ZNF654: variants seen among roughly 807,000 people sequenced by gnomAD.
ZNF654 encodes the protein zinc finger protein 654, also known as melanoma-associated antigen.
In ZNF654, 19 loss-of-function variants were observed where a neutral mutation model predicts 95.3. The ratio of observed to expected loss-of-function variants is 0.20; its 90% CI spans 0.14 to 0.29. The LOEUF is 0.29. Among genes scored for constraint, ZNF654 ranks in the 10% least tolerant of loss-of-function variants. The pLI is 1.00. For synonymous variants in ZNF654, 413 were observed against 457.9 expected (o/e 0.90, Z 1.25); for missense variants, 1,046 against 1,341.0 (o/e 0.78, Z 3.44).
At chr3:88,092,919 G>C (rs1703831882) in intron 2 of ZNF654, among the ~76,000 whole-genome samples, 1 of 152,124 alleles carries the variant, frequency 6.6e-6, no homozygotes. Flanking sequence ...GTTGTCTACA[G>C]GGAAGGAAAG....
chr3:88,095,823 C>A, intron 2 of ZNF654: 2 of 452,642 alleles, frequency 4.4e-6, no homozygotes, highest in South Asian at 3.4e-5. Flanking sequence ...CTCAGATTCC[C>A]AAGTATTGTG....
At chr3:88,110,731 T>A (rs1457954617) in intron 2 of ZNF654, among the ~76,000 whole-genome samples, 2 of 152,116 alleles carry the variant, frequency 1.3e-5, no homozygotes, top group African/African-American at 4.8e-5. Flanking sequence ...AGTTGACTAT[T>A]TATACAGTCA....
Position 88,118,426 on chromosome 3 carries a change from G to GC in ZNF654, c.414+5233dup, listed in dbSNP as rs199747411. On this transcript the variant is annotated intron_variant, in intron 3 of 8. Coordinates refer to ENST00000636215, the MANE Select transcript of ZNF654 (RefSeq NM_001350134.2). The stretch of plus-strand genomic sequence containing the variant: ...CCAGCCACATGAAAGGAGTTGAAAA[G>GC]CCCACCCTCCTTTGTGGGGCAAGTG... 1.7e-3 allele frequency among the ~76,000 whole-genome samples: 254 copies of GC among 152,252 alleles called. 4 individuals are homozygous for GC. The East Asian group carries it at 0.042, about 25-fold the overall frequency.
intron 1 of ZNF654, among the ~76,000 whole-genome samples, chr3:88,077,436 C>T: frequency 6.6e-6 from 1 of 151,904 alleles, no homozygotes; most frequent in East Asian, 1.9e-4. Context: ...GGGTTCACTC[C>T]ACTCTCCTGC....
intron 1 of ZNF654, among the ~76,000 whole-genome samples, chr3:88,072,029 A>G (rs1157295980): frequency 6.6e-6 from 1 of 152,200 alleles, no homozygotes; most frequent in Non-Finnish European, 1.5e-5. Context: ...TATCTTAGGC[A>G]TAAATCTACA....
At chr3:88,074,693 CT>C (rs1180680295) in intron 1 of ZNF654, among the ~76,000 whole-genome samples, 1 of 152,160 alleles carries the variant, frequency 6.6e-6, no homozygotes, top group Non-Finnish European at 1.5e-5. Flanking sequence ...ACGTTTATTA[CT>C]GCACCCAACC....
intron 2 of ZNF654, among the ~76,000 whole-genome samples, chr3:88,093,714 A>T (rs1703882481): frequency 6.6e-6 from 1 of 152,254 alleles, no homozygotes; most frequent in African/African-American, 2.4e-5. Context: ...TACAGCATTT[A>T]TGCCTAGCCT....
intron 1 of ZNF654, among the ~76,000 whole-genome samples, chr3:88,069,373 G>T (rs1707377864): frequency 1.3e-5 from 2 of 152,142 alleles, no homozygotes. Flanking sequence ...AGTGAGTCTA[G>T]ATGGCGCCGC....
chr3:88,099,505 G>T (rs1186178581), intron 2 of ZNF654, among the ~76,000 whole-genome samples: 2 of 152,044 alleles, frequency 1.3e-5, no homozygotes, highest in African/African-American at 4.8e-5. Flanking sequence ...CCAAAAAAGA[G>T]CCCGCATTGC....
At chr3:88,093,514 C>G (rs1246934865) in intron 2 of ZNF654, among the ~76,000 whole-genome samples, 1 of 152,068 alleles carries the variant, frequency 6.6e-6, no homozygotes, top group Non-Finnish European at 1.5e-5. Flanking sequence ...GGTGTGTGCA[C>G]TGGCAAAGAC....
In ZNF654 at chr3:88,116,363, A is replaced by G. The variant is rs1414048616; in HGVS notation, c.414+3167A>G. Among the ~76,000 whole-genome samples, 4 of 152,148 alleles carry G rather than the reference A, an allele frequency of 2.6e-5. No homozygotes were observed. In the East Asian group the frequency reaches 5.8e-4, roughly 22 times the overall value. ...TGGAGAAAACTCGTCCCTACTAAAA[A>G]TACAAAATTAGCAGGTCGTGGCGGC... On this transcript the variant is annotated intron_variant, in intron 3 of 8. Coordinates refer to ENST00000636215, the MANE Select transcript of ZNF654 (RefSeq NM_001350134.2).
chr3:88,059,558 G>A, intron 1 of ZNF654, 53 bp downstream of exon 1: 2 of 1,446,964 alleles, frequency 1.4e-6, no homozygotes, highest in Non-Finnish European at 1.8e-6. Flanking sequence ...GGGCCTCTCT[G>A]CGTCTCCTGG....
In ZNF654 at chr3:88,142,760, G is replaced by A. The variant is rs1397399425; in HGVS notation, c.*1108G>A. 1 of 152,230 alleles carries A rather than the reference G, an allele frequency of 6.6e-6. No individual in the cohort carries two copies. The highest frequency in any genetic ancestry group is 1.5e-5 in the Non-Finnish European group (1 of 67,788). 9.4% of individuals were successfully genotyped at this position (152,230 alleles called of 1,614,324 possible). ...ATTAGTGATGACTCTGGTCTGAACA[G>A]TAATTTTTATATGTAAAAGGAAGTA... is the stretch of plus-strand genomic sequence containing the variant. On this transcript the variant is annotated 3_prime_UTR_variant, in exon 9 of 9. Coordinates refer to ENST00000636215, the MANE Select transcript of ZNF654 (RefSeq NM_001350134.2).
intron 1 of ZNF654, among the ~76,000 whole-genome samples, chr3:88,076,574 G>A (rs1218538843): frequency 1.3e-5 from 2 of 151,734 alleles, no homozygotes; most frequent in African/African-American, 4.8e-5. Flanking sequence ...CATCTGTTTT[G>A]TTTTGTTTTG....
chr3:88,091,500 T>G (rs1184573752), intron 2 of ZNF654, among the ~76,000 whole-genome samples: 1 of 152,212 alleles, frequency 6.6e-6, no homozygotes, highest in Non-Finnish European at 1.5e-5. Flanking sequence ...AACTTTAGTG[T>G]TATGTGAAAA....
Position 88,088,174 on chromosome 3 carries a change from A to T in ZNF654, c.332+1772A>T, listed in dbSNP as rs75305065. 5.8e-3 allele frequency among the ~76,000 whole-genome samples: 883 copies of T among 152,320 alleles called. 25 individuals are homozygous for T. In the East Asian group the frequency reaches 0.085, roughly 15 times the overall value. On this transcript the variant is annotated intron_variant, in intron 2 of 8. Coordinates refer to ENST00000636215, the MANE Select transcript of ZNF654 (RefSeq NM_001350134.2). The stretch of plus-strand genomic sequence containing the variant: ...TTACAGATTTCTCAGTGAGACTACT[A>T]GCTAATTACTTAATTACGCTAAAGA...
chr3:88,122,801 G>C (rs1705849613), intron 3 of ZNF654, among the ~76,000 whole-genome samples: 1 of 152,014 alleles, frequency 6.6e-6, no homozygotes, highest in African/African-American at 2.4e-5. Flanking sequence ...CCTGAGGTGA[G>C]GAGTTCGATA....
chr3:88,129,320 G>GT (rs1479817668), intron 5 of ZNF654, among the ~76,000 whole-genome samples: 2 of 50,586 alleles, frequency 4.0e-5, no homozygotes, highest in Admixed American at 5.4e-4. Flanking sequence ...CTTGCCAGGA[G>GT]TAAAAAAAAA....
intron 2 of ZNF654, among the ~76,000 whole-genome samples, chr3:88,094,845 A>G (rs557390563): frequency 3.9e-5 from 6 of 152,162 alleles, no homozygotes; most frequent in African/African-American, 1.2e-4. Flanking sequence ...CTAGACTACA[A>G]TATTATACTG....
Sources: allele counts gnomAD v4.1 joint callset (sites outside exome capture counted in the v4.1 genomes callset), GRCh38; gene constraint gnomAD v4.1.1; transcripts MANE v1.5; gene names NCBI Gene and HGNC (gene_info 2026-07-23, HGNC 2026-07-21).